FBXO15: variants seen among roughly 807,000 people sequenced by gnomAD.
FBXO15 encodes the protein F-box only protein 15.
In FBXO15, 30 loss-of-function variants were observed where a neutral mutation model predicts 49.5. That is an observed-to-expected ratio of 0.61 (90% CI 0.45 to 0.82). The LOEUF is 0.82. FBXO15 is among the 40% of genes least tolerant of loss of function. The pLI is 0.00. For synonymous variants in FBXO15, 250 were observed against 232.7 expected (o/e 1.07, Z -0.68); for missense variants, 591 against 631.5 (o/e 0.94, Z 0.69).
intron 3 of FBXO15, among the ~76,000 whole-genome samples, chr18:74,132,730 A>G (rs1978472216): frequency 6.6e-6 from 1 of 152,250 alleles, no homozygotes; most frequent in South Asian, 2.1e-4. Context: ...ATCCAACAGA[A>G]CTACCAACAG....
chr18:74,109,140 A>G (rs1913896952), intron 8 of FBXO15, among the ~76,000 whole-genome samples: 1 of 152,186 alleles, frequency 6.6e-6, no homozygotes, highest in Non-Finnish European at 1.5e-5. Flanking sequence ...AATTTGCAAG[A>G]AAAAAATAAC....
chr18:74,119,969 G>A (rs551806805), intron 8 of FBXO15, among the ~76,000 whole-genome samples: 54 of 152,292 alleles, frequency 3.5e-4, no homozygotes, highest in African/African-American at 1.3e-3. Context: ...GCCCACAGTG[G>A]TGGCACCAGG....
chr18:74,123,453 C>A lies in FBXO15; in HGVS notation c.1053G>T (p.Leu351=). Residue 351 remains leucine (L), a synonymous_variant, in exon 8 of 10, where the codon CTG becomes CTT. Transcript: ENST00000419743. Reference sequence around the variant, plus strand: ...GATCAACATGGAGTTGGTAGCCGTGCAGTCCATACTCGGGGCTATCATCCA... The same window carrying A: ...GATCAACATGGAGTTGGTAGCCGTGAAGTCCATACTCGGGGCTATCATCCA... The part of the protein sequence containing the change: ...PFLDDSPEYG[L]HGYQLHVDLH... 1 of 1,613,916 alleles carries A rather than the reference C, an allele frequency of 6.2e-7. No individual in the cohort carries two copies. Among genetic ancestry groups the A allele is most frequent in the Non-Finnish European group, 8.5e-7 (1 of 1,179,916 alleles).
chr18:74,099,577 C>T (rs1157613749), intron 8 of FBXO15: 1 of 152,126 alleles, frequency 6.6e-6, no homozygotes, highest in Admixed American at 6.5e-5. Context: ...CATCCCAATA[C>T]TAACATTGAA....
chr18:74,104,165 ATTTC>A (rs1485714257), intron 8 of FBXO15, among the ~76,000 whole-genome samples: 2 of 152,040 alleles, frequency 1.3e-5, no homozygotes, highest in Non-Finnish European at 2.9e-5. Context: ...TTTTTTTCTC[ATTTC>A]TTTATTTGCG....
At position 74,135,921 on chromosome 18, in the gene FBXO15, T is replaced by A; in HGVS notation, c.228-55A>T. ...CACCAGAGTGGACCAGGGCTTAATC[T>A]GCAGATTACCCAGAAAACAACTGGC... On this transcript the variant is annotated intron_variant, in intron 2 of 9. Transcript: ENST00000419743. 3.5e-6 allele frequency: 5 copies of A among 1,427,224 alleles called. No individual in the cohort carries two copies. In the South Asian group the frequency reaches 5.0e-5, roughly 14 times the overall value. The allele number at this position is 1,427,224 out of a possible 1,614,324, so 88.4% of individuals were successfully genotyped here.
At chr18:74,139,913 T>C (rs1038625983) in intron 2 of FBXO15, among the ~76,000 whole-genome samples, 4 of 152,228 alleles carry the variant, frequency 2.6e-5, no homozygotes, top group African/African-American at 9.7e-5. Context: ...TTCTCCTTTT[T>C]CAAGGGTCTT....
intron 8 of FBXO15, among the ~76,000 whole-genome samples, chr18:74,084,216 C>T (rs1175722700): frequency 2.0e-5 from 3 of 152,240 alleles, no homozygotes; most frequent in Non-Finnish European, 4.4e-5. Context: ...GCAGGATACA[C>T]TGGGGAATCA....
intron 3 of FBXO15, among the ~76,000 whole-genome samples, chr18:74,131,300 G>A (rs1978376560): frequency 6.6e-6 from 1 of 152,142 alleles, no homozygotes; most frequent in Admixed American, 6.5e-5. Flanking sequence ...AAACCAGGAG[G>A]TGCTGGTATT....
chr18:74,077,523 G>C (rs1028774033), intron 9 of FBXO15, among the ~76,000 whole-genome samples: 1 of 152,156 alleles, frequency 6.6e-6, no homozygotes, highest in Non-Finnish European at 1.5e-5. Flanking sequence ...CAGTGGTCCT[G>C]GAACAGCAGC....
intron 6 of FBXO15, among the ~76,000 whole-genome samples, chr18:74,125,383 G>T (rs115645156): frequency 6.6e-6 from 1 of 152,224 alleles, no homozygotes; most frequent in Non-Finnish European, 1.5e-5. Flanking sequence ...TCTTAATCCC[G>T]TCTAGTCATT....
At chr18:74,125,849 T>C (rs1334880525) in intron 6 of FBXO15, 126 bp downstream of exon 6, 3 of 1,311,256 alleles carry the variant, frequency 2.3e-6, no homozygotes, top group Non-Finnish European at 3.1e-6. Flanking sequence ...GTTGGTGAGA[T>C]GGTAAAATGG....
At chr18:74,126,256 A>G (rs1403981904) in intron 5 of FBXO15, among the ~76,000 whole-genome samples, 155 bp from the exon 6 acceptor site, 1 of 152,220 alleles carries the variant, frequency 6.6e-6, no homozygotes, top group Non-Finnish European at 1.5e-5. Context: ...GACACAAATG[A>G]ATAAAAGGCA....
intron 8 of FBXO15, among the ~76,000 whole-genome samples, chr18:74,106,415 A>G (rs1913769521): frequency 6.6e-6 from 1 of 152,192 alleles, no homozygotes; most frequent in Admixed American, 6.5e-5. Flanking sequence ...TCTTATAAAC[A>G]TTTAAAACAA....
At position 74,082,123 on chromosome 18, in the gene FBXO15, C is replaced by T. The variant is rs566388366; in HGVS notation, c.1139-72G>A. 5.8e-6 allele frequency: 9 copies of T among 1,541,000 alleles called. No individual in the cohort carries two copies. The South Asian group carries it at 6.0e-5, about 10-fold the overall frequency. ...TGACAAACCAAGCACGTTCAGTCGG[C>T]GACTTTATAAGGATACCTCACCCTG... On this transcript the variant is annotated intron_variant, in intron 8 of 9. Transcript: ENST00000419743.
At chr18:74,128,982 A>T (rs1418680209) in intron 5 of FBXO15, among the ~76,000 whole-genome samples, 1 of 152,232 alleles carries the variant, frequency 6.6e-6, no homozygotes, top group Non-Finnish European at 1.5e-5. Context: ...ACAAGATCAC[A>T]TATCTAGTAA....
At chr18:74,103,213 A>G (rs2145149317) in intron 8 of FBXO15, among the ~76,000 whole-genome samples, 1 of 152,218 alleles carries the variant, frequency 6.6e-6, no homozygotes, top group East Asian at 1.9e-4. Context: ...GAACTAATGA[A>G]TACTTTTGCT....
chr18:74,115,962 C>T (rs922285968), intron 8 of FBXO15, among the ~76,000 whole-genome samples: 1 of 152,142 alleles, frequency 6.6e-6, no homozygotes, highest in African/African-American at 2.4e-5. Flanking sequence ...ATCTGCTAAG[C>T]CAGCCCCCTC....
chr18:74,083,047 C>G (rs1912572129), intron 8 of FBXO15, among the ~76,000 whole-genome samples: 1 of 152,216 alleles, frequency 6.6e-6, no homozygotes, highest in Middle Eastern at 3.2e-3. Flanking sequence ...CACACTTTGC[C>G]TGGGGCCTCT....
Sources: allele counts gnomAD v4.1 joint callset (sites outside exome capture counted in the v4.1 genomes callset), GRCh38; gene constraint gnomAD v4.1.1; transcripts MANE v1.5; gene names NCBI Gene and HGNC (gene_info 2026-07-23, HGNC 2026-07-21).